The following GRK2 variants were observed in gnomAD, a reference collection of about 807,000 sequenced individuals.
GRK2 encodes the protein adrenergic beta receptor kinase 1.
A neutral mutation model predicts 97.8 loss-of-function variants in GRK2; 23 were observed. That is an observed-to-expected ratio of 0.24 (90% CI 0.17 to 0.33). GRK2 has a LOEUF of 0.33. Among genes scored for constraint, GRK2 ranks in the 10% least tolerant of loss-of-function variants. GRK2 has a pLI of 1.00. For synonymous variants in GRK2, 425 were observed against 381.7 expected (o/e 1.11, Z -1.32); for missense variants, 633 against 956.9 (o/e 0.66, Z 4.47).
chr11:67,284,097 T>A (rs1453178288), intron 17 of GRK2, 114 bp from the exon 18 acceptor site: 1 of 1,479,116 alleles, frequency 6.8e-7, no homozygotes, highest in Non-Finnish European at 9.3e-7. Context: ...CCCTGGGGGG[T>A]GGCAGTTGCA....
chr11:67,268,219 T>G (rs1463281147), intron 1 of GRK2, among the ~76,000 whole-genome samples: 1 of 152,246 alleles, frequency 6.6e-6, no homozygotes, highest in Non-Finnish European at 1.5e-5. Flanking sequence ...AAGCTCTGGC[T>G]GACGCTGCAG....
intron 6 of GRK2, 103 bp from the exon 7 acceptor site, chr11:67,280,629 C>A: frequency 1.5e-6 from 2 of 1,321,122 alleles, no homozygotes; most frequent in Non-Finnish European, 2.2e-6. Context: ...CCACACCTAC[C>A]CTCACGGGAC....
intron 20 of GRK2, 26 bp downstream of exon 20, chr11:67,285,214 G>C (rs1437989123): frequency 6.2e-7 from 1 of 1,612,644 alleles, no homozygotes; most frequent in East Asian, 2.2e-5. Context: ...GCCAGGGATG[G>C]GAGGGCCGAG....
In GRK2 at chr11:67,282,949, GA is replaced by G; in HGVS notation, c.1227+132del. On this transcript the variant is annotated intron_variant, in intron 14 of 20. Coordinates refer to ENST00000308595, the MANE Select transcript of GRK2 (RefSeq NM_001619.5). This position sits in a 1 kb window ranked among gnomAD's most constrained non-coding sequence, Gnocchi z 6.9. ...GACCCCTACTCTGGCCTCTGAGACA[GA>G]CCTCCTGCCCCATAGGCTCTCGCCC... 2 of 1,197,166 alleles carry G rather than the reference GA, an allele frequency of 1.7e-6. No homozygotes were observed. The highest frequency in any genetic ancestry group is 2.4e-6 in the Non-Finnish European group (2 of 838,330). The allele number at this position is 1,197,166 out of a possible 1,614,324, so 74.2% of individuals were successfully genotyped here. A position where few individuals can be genotyped will look rare whatever the true frequency, so the allele number is the denominator to read the frequency against.
Position 67,266,788 on chromosome 11 carries a change from A to G in GRK2, c.89A>G (p.Lys30Arg), listed in dbSNP as rs746094488. The change falls in exon 1 of 21, where the codon AAG (lysine) becomes AGG (arginine). Residue 30 changes from lysine to arginine, a missense_variant. Around this residue, in one of 4 missense-constraint regions of GRK2, gnomAD observed 193 missense variants for 212.2 expected, o/e 0.91. Coordinates refer to ENST00000308595, the MANE Select transcript of GRK2 (RefSeq NM_001619.5). ...GCCACGCCGGCCGCGCGCGCCAGCA[A>G]GAAGATCCTGCTGCCCGAGCCCAGG... ...SKATPAARAS[K>R]KILLPEPSIR... 2 of 1,356,836 alleles carry G rather than the reference A, an allele frequency of 1.5e-6. No individual in the cohort carries two copies. The highest frequency in any genetic ancestry group is 1.9e-6 in the Non-Finnish European group (2 of 1,040,828). 84.0% of individuals were successfully genotyped at this position (1,356,836 alleles called of 1,614,324 possible).
At chr11:67,283,409 G>A (rs1860197543) in intron 15 of GRK2, 181 bp downstream of exon 15, 2 of 628,968 alleles carry the variant, frequency 3.2e-6, no homozygotes, top group Non-Finnish European at 2.8e-6. Flanking sequence ...AGTTGGAGCT[G>A]CTGGAACCAG....
Position 67,285,972 on chromosome 11 carries a change from C to T in GRK2, c.*522C>T, listed in dbSNP as rs1305163784. 3.7e-5 allele frequency: 9 copies of T among 244,828 alleles called. No individual in the cohort carries two copies. The highest frequency in any genetic ancestry group is 5.6e-5 in the Non-Finnish European group (7 of 125,410). 15.2% of individuals were successfully genotyped at this position (244,828 alleles called of 1,614,324 possible). On this transcript the variant is annotated 3_prime_UTR_variant, in exon 21 of 21. Coordinates refer to ENST00000308595, the MANE Select transcript of GRK2 (RefSeq NM_001619.5). ...AAGGCCTCCCACAGTGACTCGGGCTCCTGTGCCCTTATTCAGGAAAAGCCT... is the reference window on the plus strand; with the variant it reads ...AAGGCCTCCCACAGTGACTCGGGCTTCTGTGCCCTTATTCAGGAAAAGCCT...
intron 2 of GRK2, among the ~76,000 whole-genome samples, chr11:67,278,694 G>A (rs1210571767): frequency 1.3e-5 from 2 of 152,242 alleles, no homozygotes; most frequent in Non-Finnish European, 2.9e-5. Context: ...GTCCAGAGGA[G>A]TGGTGTGGCC....
rs975627403 is a variant in GRK2, at chr11:67,282,098, G to A, written c.957+146G>A. The A allele has an allele frequency of 3.1e-6, 4 of 1,285,134 alleles. No homozygotes were observed. Among genetic ancestry groups the A allele is most frequent in the Admixed American group, 2.0e-5 (1 of 49,376 alleles). 79.6% of individuals were successfully genotyped at this position (1,285,134 alleles called of 1,614,324 possible). On this transcript the variant is annotated intron_variant, in intron 11 of 20. Transcript: ENST00000308595. This position sits in a 1 kb window ranked among gnomAD's most constrained non-coding sequence, Gnocchi z 6.9. ...CATCTCCGCCCCTGCCCTTCCCACC[G>A]AGCCACTCTCTGGGTCCAGGTTGTA...
intron 1 of GRK2, among the ~76,000 whole-genome samples, chr11:67,268,260 C>G (rs1337707868): frequency 2.0e-5 from 3 of 152,222 alleles, no homozygotes; most frequent in Admixed American, 6.5e-5. Flanking sequence ...CCTCACCGCC[C>G]CCCTGTGCCA....
chr11:67,282,150 C>T lies in GRK2; in HGVS notation c.958-121C>T. On this transcript the variant is annotated intron_variant, in intron 11 of 20. Coordinates refer to ENST00000308595, the MANE Select transcript of GRK2 (RefSeq NM_001619.5). The surrounding 1 kb of genome is among the most constrained non-coding windows in gnomAD (Gnocchi z 6.9). ...CTGGGGACAGGAGAGAGGACCCCCA[C>T]CTTTGCCCTTTCTTTGGGTACCCAT... The T allele has an allele frequency of 3.3e-6, 4 of 1,217,424 alleles. No homozygotes were observed. The highest frequency in any genetic ancestry group is 4.7e-6 in the Non-Finnish European group (4 of 851,468). The allele number at this position is 1,217,424 out of a possible 1,614,324, so 75.4% of individuals were successfully genotyped here.
At chr11:67,272,604 C>G (rs1188053906) in intron 1 of GRK2, among the ~76,000 whole-genome samples, 1 of 152,256 alleles carries the variant, frequency 6.6e-6, no homozygotes, top group African/African-American at 2.4e-5. Context: ...CAGCTGCTCA[C>G]TGTCTTGGGC....
intron 4 of GRK2, 25 bp downstream of exon 4, chr11:67,279,544 G>T: frequency 1.2e-6 from 2 of 1,612,596 alleles, no homozygotes; most frequent in Non-Finnish European, 8.5e-7. Context: ...CTGGCCCTGT[G>T]TGCTGGCCCA....
chr11:67,269,559 C>T lies in GRK2; in HGVS notation c.113+2747C>T, dbSNP rs1377358108. Among the ~76,000 whole-genome samples the T allele has an allele frequency of 3.9e-5, 6 of 152,242 alleles. No homozygotes were observed. The highest frequency in any genetic ancestry group is 1.4e-4 in the African/African-American group (6 of 41,466). ...CCATCGGCTGTCACAGTTCACAAGG[C>T]TCAGCCCTCTTCCCGTTGGCTGGGA... On this transcript the variant is annotated intron_variant, in intron 1 of 20. Coordinates refer to ENST00000308595, the MANE Select transcript of GRK2 (RefSeq NM_001619.5). This position sits in a 1 kb window ranked among gnomAD's most constrained non-coding sequence, Gnocchi z 4.1.
intron 5 of GRK2, 59 bp from the exon 6 acceptor site, chr11:67,279,780 G>A: frequency 2.5e-6 from 4 of 1,612,398 alleles, no homozygotes; most frequent in South Asian, 1.1e-5. Flanking sequence ...CCAGGGGTGG[G>A]GCCTGGGCAA....
Position 67,279,883 on chromosome 11 carries a change from C to T in GRK2, c.486C>T (p.Phe162=). The T allele has an allele frequency of 1.2e-6, 2 of 1,613,914 alleles. No homozygotes were observed. Among genetic ancestry groups the T allele is most frequent in the Non-Finnish European group, 1.7e-6 (2 of 1,179,982 alleles). The change falls in exon 6 of 21, where the codon TTC becomes TTT. Residue 162 remains phenylalanine, a synonymous_variant. Coordinates refer to ENST00000308595, the MANE Select transcript of GRK2 (RefSeq NM_001619.5). ...EICQNLRGDV[F]QKFIESDKFT... ...GTCAAAACCTCCGAGGGGACGTGTT[C>T]CAGAAATTCATTGAGAGGTGAGAGC... is the stretch of plus-strand genomic sequence containing the variant.
intron 18 of GRK2, chr11:67,284,646 G>A (rs1001541061): frequency 3.8e-5 from 29 of 767,250 alleles, no homozygotes; most frequent in African/African-American, 2.6e-4. Context: ...AAAATTAGCC[G>A]GGCATGGTGG....
chr11:67,283,970 T>G (rs1438739317), intron 17 of GRK2, 21 bp downstream of exon 17: 1 of 1,577,786 alleles, frequency 6.3e-7, no homozygotes, highest in South Asian at 1.1e-5. Context: ...TTGCCTGGCC[T>G]CTTGTACCTA....
rs1261768139 is a variant in GRK2 at position 67,276,573 on chromosome 11, T to C, written c.114-699T>C. The C allele has an allele frequency of 3.9e-5, 6 of 152,198 alleles. No homozygotes were observed. The highest frequency in any genetic ancestry group is 1.4e-4 in the African/African-American group (6 of 41,436). The allele number at this position is 152,198 out of a possible 1,614,324, so 9.4% of individuals were successfully genotyped here. On this transcript the variant is annotated intron_variant, in intron 1 of 20. Coordinates refer to ENST00000308595, the MANE Select transcript of GRK2 (RefSeq NM_001619.5). The surrounding 1 kb of genome is among the most constrained non-coding windows in gnomAD (Gnocchi z 4.2). ...ACCAAGGCATGGCCTTTTCTTACAA[T>C]TTAAAAAATTGAGATGCAATTCATA... is the stretch of plus-strand genomic sequence containing the variant.
Sources: allele counts gnomAD v4.1 joint callset (sites outside exome capture counted in the v4.1 genomes callset), GRCh38; gene constraint gnomAD v4.1.1; regional missense constraint gnomAD v4.1.1; non-coding constraint Gnocchi (gnomAD v3.1); transcripts MANE v1.5; gene names NCBI Gene and HGNC (gene_info 2026-07-23, HGNC 2026-07-21).